MTMR3: variants seen among roughly 807,000 people sequenced by gnomAD.
MTMR3 encodes the protein phosphatidylinositol-3,5-bisphosphate 3-phosphatase MTMR3.
A neutral mutation model predicts 132.4 loss-of-function variants in MTMR3; 32 were observed. That is an observed-to-expected ratio of 0.24 (90% CI 0.18 to 0.32). The LOEUF is 0.32. MTMR3 is among the 10% of genes least tolerant of loss of function. The pLI, the probability that MTMR3 is intolerant of heterozygous loss-of-function variation, is 1.00. For synonymous variants in MTMR3, 556 were observed against 550.3 expected, an observed-to-expected ratio of 1.01 and a Z score of -0.14; for missense variants, 1,216 against 1,489.6, an observed-to-expected ratio of 0.82 and a Z score of 3.02.
intron 13 of MTMR3, chr22:30,013,144 C>T: frequency 2.4e-6 from 1 of 419,322 alleles, no homozygotes; most frequent in Non-Finnish European, 4.3e-6. Context: ...GCAGTCAGTA[C>T]CATTTTAGTG....
chr22:30,019,843 G>A lies in MTMR3; in HGVS notation c.2184G>A (p.Arg728=). The A allele has an allele frequency of 3.1e-6, 5 of 1,614,218 alleles. No individual in the cohort carries two copies. Among genetic ancestry groups the A allele is most frequent in the Non-Finnish European group, 3.4e-6 (4 of 1,180,036 alleles). ...KEDPLLEKES[R]RKTPEASAIG... is the part of the protein sequence containing the mutation. ...ACCCTCTCTTAGAAAAGGAGAGCAGGAGGAAGACACCTGAGGCCTCAGCCA... is the reference window on the plus strand; with the variant it reads ...ACCCTCTCTTAGAAAAGGAGAGCAGAAGGAAGACACCTGAGGCCTCAGCCA... Residue 728 remains arginine (R), a synonymous_variant, in exon 17 of 20, where the codon AGG becomes AGA. Coordinates refer to ENST00000401950, the MANE Select transcript of MTMR3 (RefSeq NM_021090.4).
At chr22:29,974,784 T>A (rs1340193892) in intron 3 of MTMR3, among the ~76,000 whole-genome samples, 1 of 152,210 alleles carries the variant, frequency 6.6e-6, no homozygotes, top group East Asian at 1.9e-4. Flanking sequence ...TTACACAGAA[T>A]AAAAGTCTAG....
At chr22:29,970,947 T>TTTTTCCCCC in intron 2 of MTMR3, 29 bp from the exon 3 acceptor site, 1 of 519,770 alleles carries the variant, frequency 1.9e-6, no homozygotes, top group Non-Finnish European at 3.1e-6. Flanking sequence ...TTTTTTTTTC[T>TTTTTCCCCC]TCTTCCCCCT....
In MTMR3 at chr22:30,012,351, C is replaced by T. The variant is rs749796556; in HGVS notation, c.1122-17C>T. 6.2e-6 allele frequency: 10 copies of T among 1,605,324 alleles called. No homozygotes were observed. The highest frequency in any genetic ancestry group is 8.5e-6 in the Non-Finnish European group (10 of 1,176,842). Reference sequence around the variant, plus strand: ...ATAAAAAAATCAGCATTTTCTAATCCTCTCCTGTTTTTATAGTTGGCTATC... The same window carrying T: ...ATAAAAAAATCAGCATTTTCTAATCTTCTCCTGTTTTTATAGTTGGCTATC... On this transcript the variant is annotated splice_polypyrimidine_tract_variant and intron_variant, in intron 12 of 19. Coordinates refer to ENST00000401950, the MANE Select transcript of MTMR3 (RefSeq NM_021090.4).
intron 2 of MTMR3, among the ~76,000 whole-genome samples, chr22:29,966,769 G>GTGTGTC (rs2066428504): frequency 1.4e-5 from 2 of 138,758 alleles, no homozygotes; most frequent in African/African-American, 5.4e-5. Context: ...GTGTGTGTGT[G>GTGTGTC]TGTCTGTCTC....
chr22:29,917,496 C>A (rs972916911), intron 1 of MTMR3, among the ~76,000 whole-genome samples: 6 of 152,038 alleles, frequency 3.9e-5, no homozygotes, highest in African/African-American at 1.4e-4. Context: ...AACAAACAAA[C>A]AAAAAAATTG....
intron 1 of MTMR3, among the ~76,000 whole-genome samples, chr22:29,946,338 C>T (rs970703627): frequency 2.6e-5 from 4 of 152,232 alleles, no homozygotes; most frequent in African/African-American, 9.6e-5. Context: ...GCTAGATTGA[C>T]AACCTAGAGG....
chr22:29,978,910 T>A, intron 4 of MTMR3, 26 bp from the exon 5 acceptor site: 1 of 1,498,746 alleles, frequency 6.7e-7, no homozygotes, highest in Non-Finnish European at 9.3e-7. Context: ...GCTTCAGAAC[T>A]CTGAAGGGTT....
chr22:29,903,973 T>C (rs1303467287), intron 1 of MTMR3, among the ~76,000 whole-genome samples: 1 of 152,180 alleles, frequency 6.6e-6, no homozygotes, highest in African/African-American at 2.4e-5. Flanking sequence ...ATTTTGGCAG[T>C]TTCACATTAA....
At chr22:29,930,255 AG>A (rs2065615323) in intron 1 of MTMR3, among the ~76,000 whole-genome samples, 1 of 152,334 alleles carries the variant, frequency 6.6e-6, no homozygotes, top group East Asian at 1.9e-4. Context: ...AAAGAATTCC[AG>A]GTACCCTTTG....
chr22:30,020,057 G>A lies in MTMR3; in HGVS notation c.2398G>A (p.Glu800Lys), dbSNP rs771764192. Residue 800 changes from glutamate to lysine, a missense_variant, in exon 17 of 20, where the codon GAG (glutamate) becomes AAG (lysine). By Grantham distance (56) the Glu-to-Lys change is moderately conservative (BLOSUM62 1). This residue lies in a region of MTMR3 where 852 missense variants were observed against 852.0 expected (regional missense o/e 1.00). Coordinates refer to ENST00000401950, the MANE Select transcript of MTMR3 (RefSeq NM_021090.4). ...EVPVEQFRIEEIAEGREEAVL... is the reference protein window; with the variant it reads ...EVPVEQFRIEKIAEGREEAVL... ...CCCTGTGGAGCAGTTTCGAATAGAA[G>A]AGATTGCAGAGGGTAGGGAGGAAGC... 2 of 1,614,244 alleles carry A rather than the reference G, an allele frequency of 1.2e-6. No homozygotes were observed. Among genetic ancestry groups the A allele is most frequent in the Non-Finnish European group, 1.7e-6 (2 of 1,180,046 alleles).
At chr22:29,931,000 C>T (rs185298448) in intron 1 of MTMR3, among the ~76,000 whole-genome samples, 1 of 143,330 alleles carries the variant, frequency 7.0e-6, no homozygotes, top group East Asian at 2.0e-4. Context: ...GAGTGTGAGA[C>T]GCTGTCTCAA....
At chr22:29,897,439 G>GTTTT (rs906957069) in intron 1 of MTMR3, among the ~76,000 whole-genome samples, 3 of 151,274 alleles carry the variant, frequency 2.0e-5, no homozygotes, top group Admixed American at 6.6e-5. Context: ...ATTTAAGTAT[G>GTTTT]TTTTTATTTA....
intron 1 of MTMR3, among the ~76,000 whole-genome samples, chr22:29,912,513 C>T (rs750714288): frequency 6.6e-6 from 1 of 152,126 alleles, no homozygotes; most frequent in South Asian, 2.1e-4. Flanking sequence ...AGAACTCAAG[C>T]GATCCTCCTG....
At chr22:30,023,242 G>C (rs2067812154) in intron 19 of MTMR3, 18 of 591,730 alleles carry the variant, frequency 3.0e-5, no homozygotes, top group Non-Finnish European at 5.2e-5. Context: ...GCCCCAGCTA[G>C]GGTGTTGACT....
Position 29,911,542 on chromosome 22 carries a change from C to CA in MTMR3, c.-138+28189dup, listed in dbSNP as rs530812395. ...TGGGTGACAGAGTGAGACTGTGTCT[C>CA]AAAAAATTTTTTTTTAATTTTGTGT... is the stretch of plus-strand genomic sequence containing the variant. On this transcript the variant is annotated intron_variant, in intron 1 of 19. Transcript: ENST00000401950. 3.4e-3 allele frequency among the ~76,000 whole-genome samples: 506 copies of CA among 149,772 alleles called. 2 individuals are homozygous for CA. Among genetic ancestry groups the CA allele is most frequent in the African/African-American group, 0.012 (477 of 40,908 alleles).
intron 14 of MTMR3, chr22:30,013,811 T>C (rs1378009696): frequency 6.3e-6 from 2 of 316,770 alleles, no homozygotes; most frequent in African/African-American, 2.2e-5. Flanking sequence ...CAGTTAGAAA[T>C]AGAAGCAATC....
chr22:30,014,132 T>A (rs1017477408), intron 14 of MTMR3: 2 of 152,442 alleles, frequency 1.3e-5, no homozygotes, highest in African/African-American at 4.8e-5. Flanking sequence ...TATCATCCTA[T>A]TGCTCTTGTT....
chr22:29,886,391 T>A (rs1297731328), intron 1 of MTMR3, among the ~76,000 whole-genome samples: 1 of 152,238 alleles, frequency 6.6e-6, no homozygotes, highest in Non-Finnish European at 1.5e-5. Flanking sequence ...AGATGTTAGT[T>A]ACTTTTTTAA....
Sources: gnomAD v4.1 joint callset for allele counts (sites outside exome capture counted in the v4.1 genomes callset) on GRCh38, gnomAD v4.1.1 for gene constraint, gnomAD v4.1.1 regional missense constraint, MANE v1.5 for transcripts, NCBI Gene and HGNC (gene_info 2026-07-23, HGNC 2026-07-21) for gene names.